Variants in C3orf52 observed in about 807,000 individuals in gnomAD.
C3orf52 encodes the protein TPA-induced transmembrane protein.
C3orf52 carries 22 observed loss-of-function variants against 24.8 expected under a neutral mutation model. The ratio of observed to expected loss-of-function variants is 0.89; its 90% CI spans 0.63 to 1.27. The LOEUF (loss-of-function observed/expected upper bound fraction) is 1.27, where lower values mean the gene tolerates loss of function less well. C3orf52 is among the 50% of genes most tolerant of loss of function. The pLI is 0.00. For synonymous variants in C3orf52, 93 were observed against 100.2 expected, an observed-to-expected ratio of 0.93 and a Z score of 0.43; for missense variants, 265 against 260.7, an observed-to-expected ratio of 1.02 and a Z score of -0.11.
At chr3:112,101,151 T>C (rs1036859434) in intron 2 of C3orf52, among the ~76,000 whole-genome samples, 1 of 152,216 alleles carries the variant, frequency 6.6e-6, no homozygotes, top group Non-Finnish European at 1.5e-5. Flanking sequence ...CCAAGATTAC[T>C]CCTAGATTCA....
At chr3:112,089,026 C>T (rs1410765488) in intron 1 of C3orf52, among the ~76,000 whole-genome samples, 5 of 152,206 alleles carry the variant, frequency 3.3e-5, no homozygotes. Flanking sequence ...CACTGAACTC[C>T]ACTTTGCCTG....
chr3:112,107,747 GT>G (rs1412199440), intron 3 of C3orf52, among the ~76,000 whole-genome samples: 2 of 152,210 alleles, frequency 1.3e-5, no homozygotes, highest in African/African-American at 4.8e-5. Context: ...ATTAATGCCT[GT>G]TTTGCCAGGT....
At chr3:112,133,185 A>G (rs371632983), downstream of C3orf52, 9 of 1,563,110 alleles carry the variant, frequency 5.8e-6, no homozygotes, top group Non-Finnish European at 1.8e-6. Context: ...TTGTGCTCTG[A>G]CAGGGCAACT....
At chr3:112,125,298 G>A (rs769045841) in intron 4 of C3orf52, 2 of 1,358,618 alleles carry the variant, frequency 1.5e-6, no homozygotes, top group African/African-American at 1.4e-5. Flanking sequence ...GTTATGGGGA[G>A]ATTTGAAGGG....
chr3:112,122,011 C>G (rs2074210470), downstream of C3orf52: 2 of 152,158 alleles, frequency 1.3e-5, no homozygotes, highest in African/African-American at 4.8e-5. Flanking sequence ...AAAATTAGGA[C>G]AGTAGCCGTG....
At chr3:112,110,467 C>G (rs1278685446) in intron 4 of C3orf52, among the ~76,000 whole-genome samples, 2 of 152,182 alleles carry the variant, frequency 1.3e-5, no homozygotes, top group African/African-American at 4.8e-5. Flanking sequence ...TAATAGCTGT[C>G]AAGAGTTGAG....
intron 4 of C3orf52, chr3:112,123,305 G>T: frequency 7.0e-7 from 1 of 1,423,368 alleles, no homozygotes; most frequent in East Asian, 2.5e-5. Context: ...GTGCTAAGAG[G>T]GCTTGTGGTA....
At chr3:112,112,837 A>T (rs146499813) in intron 4 of C3orf52, 127 bp from the exon 5 acceptor site, 3 of 793,282 alleles carry the variant, frequency 3.8e-6, no homozygotes, top group Middle Eastern at 3.1e-4. Context: ...CCAGGACAGA[A>T]CATTCTTTGC....
chr3:112,130,420 G>A, downstream of C3orf52: 1 of 1,594,910 alleles, frequency 6.3e-7, no homozygotes, highest in Non-Finnish European at 8.6e-7. Context: ...AGGTCTGGGG[G>A]GTGTTTGGTT....
chr3:112,112,637 C>T (rs1323920086), intron 4 of C3orf52, among the ~76,000 whole-genome samples: 1 of 152,140 alleles, frequency 6.6e-6, no homozygotes, highest in Non-Finnish European at 1.5e-5. Context: ...GGGGTTGGGA[C>T]AGATGGTGGG....
downstream of C3orf52, chr3:112,133,112 A>G (rs2107819487): frequency 6.2e-7 from 1 of 1,613,792 alleles, no homozygotes. Flanking sequence ...TCAGCAGAGA[A>G]TTTCCCATCC....
intron 4 of C3orf52, 146 bp from the exon 5 acceptor site, chr3:112,112,818 T>C (rs2074097000): frequency 1.3e-6 from 1 of 754,492 alleles, no homozygotes; most frequent in Non-Finnish European, 2.4e-6. Flanking sequence ...TATAGGACAG[T>C]ATGTTCTTCC....
At chr3:112,135,655 C>G (rs2074544026), downstream of C3orf52, among the ~76,000 whole-genome samples, 1 of 152,128 alleles carries the variant, frequency 6.6e-6, no homozygotes, top group Non-Finnish European at 1.5e-5. Context: ...TAAAAACACA[C>G]AAGACTCACT....
chr3:112,102,212 G>A (rs890248137), intron 2 of C3orf52, among the ~76,000 whole-genome samples: 13 of 152,112 alleles, frequency 8.5e-5, no homozygotes, highest in Admixed American at 2.6e-4. Context: ...TGTTTGAGTC[G>A]ATGATGTCAC....
downstream of C3orf52, chr3:112,134,405 G>C (rs1001826936): frequency 6.6e-6 from 1 of 152,166 alleles, no homozygotes; most frequent in African/African-American, 2.4e-5. Context: ...CCTAAATGCT[G>C]CTGTTGGGCT....
intron 4 of C3orf52, chr3:112,127,136 T>C: frequency 1.4e-6 from 1 of 691,038 alleles, no homozygotes; most frequent in East Asian, 2.7e-5. Context: ...TAAAGTTATA[T>C]ACCTTTTATA....
intron 1 of C3orf52, among the ~76,000 whole-genome samples, chr3:112,088,769 A>G (rs1309966009): frequency 6.6e-6 from 1 of 152,162 alleles, no homozygotes; most frequent in Non-Finnish European, 1.5e-5. Flanking sequence ...AATTATTACT[A>G]ATTTCTATAA....
rs1033595177 is a variant in C3orf52 at position 112,110,993 on chromosome 3, G to T, written c.467+1380G>T. 3.9e-5 allele frequency among the ~76,000 whole-genome samples: 6 copies of T among 152,200 alleles called. No individual in the cohort carries two copies. In the South Asian group the frequency reaches 8.3e-4, roughly 21 times the overall value. Reference sequence around the variant, plus strand: ...TGGGAGGCTGAGGTAGGCAGATCATGAGGTCAGGAGATTGAGACCATCCTG... The same window carrying T: ...TGGGAGGCTGAGGTAGGCAGATCATTAGGTCAGGAGATTGAGACCATCCTG... On this transcript the variant is annotated intron_variant, in intron 4 of 5. Coordinates refer to ENST00000264848, the MANE Select transcript of C3orf52 (RefSeq NM_024616.3).
chr3:112,088,976 C>G (rs1181375866), intron 1 of C3orf52, among the ~76,000 whole-genome samples: 1 of 152,168 alleles, frequency 6.6e-6, no homozygotes, highest in Admixed American at 6.5e-5. Context: ...CTTTGCCTTT[C>G]TTGATGTGTG....
Sources: allele counts gnomAD v4.1 joint callset (sites outside exome capture counted in the v4.1 genomes callset), GRCh38; gene constraint gnomAD v4.1.1; transcripts MANE v1.5; gene names NCBI Gene and HGNC (gene_info 2026-07-23, HGNC 2026-07-21).